PRKN: variants seen among roughly 807,000 people sequenced by gnomAD.
PRKN encodes parkin RBR E3 ubiquitin protein ligase, also known as E3 ubiquitin-protein ligase parkin.
Under a neutral mutation model 59.5 loss-of-function variants are expected in PRKN, and 56 were observed. The observed-to-expected ratio is 0.94, with a 90% CI of 0.76 to 1.18. PRKN has a LOEUF of 1.18. Among genes scored for constraint, PRKN ranks in the 50% most tolerant of loss-of-function variants. PRKN has a pLI of 0.00. For missense variants in PRKN, 657 were observed against 596.4 expected (o/e 1.10, Z -1.06); for synonymous variants, 250 against 222.1 (o/e 1.13, Z -1.12).
intron 1 of PRKN, among the ~76,000 whole-genome samples, chr6:162,499,453 A>G (rs138447697): frequency 9.9e-5 from 15 of 152,264 alleles, no homozygotes; most frequent in Admixed American, 5.2e-4. Context: ...AGGCCGTATG[A>G]TACTCTTATC....
At chr6:161,610,329 T>C (rs1001664415) in intron 7 of PRKN, among the ~76,000 whole-genome samples, 3 of 152,092 alleles carry the variant, frequency 2.0e-5, no homozygotes, top group African/African-American at 4.8e-5. Flanking sequence ...AGTTATCTTT[T>C]GTAAGGTCCT....
At chr6:162,071,141 C>A (rs563225053) in intron 4 of PRKN, among the ~76,000 whole-genome samples, 7 of 151,496 alleles carry the variant, frequency 4.6e-5, no homozygotes, top group African/African-American at 1.7e-4. Context: ...GGACGGTATT[C>A]GACATTTGCA....
chr6:162,203,210 G>T (rs1051498116), intron 3 of PRKN, among the ~76,000 whole-genome samples: 2 of 152,082 alleles, frequency 1.3e-5, no homozygotes, highest in Non-Finnish European at 2.9e-5. Context: ...GAAAGCTAAG[G>T]AACTTTTCCA....
chr6:162,060,543 C>T (rs1562489498), intron 4 of PRKN, among the ~76,000 whole-genome samples: 1 of 152,140 alleles, frequency 6.6e-6, no homozygotes, highest in Non-Finnish European at 1.5e-5. Context: ...TTCAAAAGTT[C>T]TAGAACTCAT....
At chr6:162,462,628 G>A (rs529493816) in intron 1 of PRKN, among the ~76,000 whole-genome samples, 51 of 152,166 alleles carry the variant, frequency 3.4e-4, no homozygotes, top group Admixed American at 1.9e-3. Context: ...ATCACAAATT[G>A]TTCTACAAGT....
At chr6:162,630,249 A>C (rs1392049393) in intron 1 of PRKN, among the ~76,000 whole-genome samples, 1 of 152,188 alleles carries the variant, frequency 6.6e-6, no homozygotes, top group Non-Finnish European at 1.5e-5. Flanking sequence ...TTAACTACCA[A>C]CTATAAATTC....
At chr6:161,553,195 GCAGGACATGTGACCTA>G (rs1780106590) in intron 8 of PRKN, among the ~76,000 whole-genome samples, 1 of 151,116 alleles carries the variant, frequency 6.6e-6, no homozygotes, top group African/African-American at 2.4e-5. Context: ...GTTGAAGAAA[GCAGGACATGTGACCTA>G]CAGAGTTTCC....
At chr6:162,339,123 C>A (rs1452752558) in intron 2 of PRKN, among the ~76,000 whole-genome samples, 6 of 136,916 alleles carry the variant, frequency 4.4e-5, no homozygotes, top group Admixed American at 7.3e-5. Flanking sequence ...AAGTGAGGAG[C>A]CCCTCCGCCC....
At chr6:162,589,018 A>C (rs1475120645) in intron 1 of PRKN, among the ~76,000 whole-genome samples, 1 of 151,924 alleles carries the variant, frequency 6.6e-6, no homozygotes, top group Non-Finnish European at 1.5e-5. Flanking sequence ...TTCCACTCCC[A>C]CCAGCTCTCC....
intron 4 of PRKN, among the ~76,000 whole-genome samples, chr6:162,075,295 C>T (rs987329863): frequency 2.0e-5 from 3 of 151,992 alleles, no homozygotes; most frequent in African/African-American, 7.2e-5. Flanking sequence ...CTCAACTATG[C>T]TTATTAAATA....
At chr6:161,865,269 T>C (rs780633936) in intron 6 of PRKN, among the ~76,000 whole-genome samples, 6 of 152,192 alleles carry the variant, frequency 3.9e-5, no homozygotes, top group Admixed American at 6.5e-5. Flanking sequence ...ATCCCGACTT[T>C]GTTGTTCCCT....
chr6:162,322,951 C>G (rs548364013), intron 2 of PRKN, among the ~76,000 whole-genome samples: 11 of 151,538 alleles, frequency 7.3e-5, no homozygotes, highest in Admixed American at 7.2e-4. Flanking sequence ...AATCATCATT[C>G]TCAGTAAACT....
chr6:162,666,226 T>C (rs1001057359), intron 1 of PRKN, among the ~76,000 whole-genome samples: 1 of 151,940 alleles, frequency 6.6e-6, no homozygotes, highest in Non-Finnish European at 1.5e-5. Context: ...TGAGATACAC[T>C]GTGGTTAGAA....
chr6:162,562,978 A>G (rs1779906279), intron 1 of PRKN, among the ~76,000 whole-genome samples: 1 of 152,072 alleles, frequency 6.6e-6, no homozygotes, highest in Admixed American at 6.5e-5. Context: ...TAGGTGGCTC[A>G]GAACAGAGAG....
In PRKN at chr6:162,065,618, C is replaced by T. The variant is rs577582682; in HGVS notation, c.535-11444G>A. Among the ~76,000 whole-genome samples, 249 of 151,684 alleles carry T rather than the reference C, an allele frequency of 1.6e-3. 1 individual carries two copies. Among genetic ancestry groups the T allele is most frequent in the African/African-American group, 5.7e-3 (236 of 41,332 alleles). ...TAAGTTCTAGGGTACACGTGCACAA[C>T]GTGCAGGTTTGTTACATATGCATAC... is the stretch of plus-strand genomic sequence containing the variant. On this transcript the variant is annotated intron_variant, in intron 4 of 11. Transcript: ENST00000366898.
At chr6:162,449,979 G>A (rs961583043) in intron 1 of PRKN, among the ~76,000 whole-genome samples, 7 of 152,170 alleles carry the variant, frequency 4.6e-5, no homozygotes, top group Non-Finnish European at 5.9e-5. Flanking sequence ...GGTGCAGTCC[G>A]TGCACATGGC....
At position 161,961,471 on chromosome 6, in the gene PRKN, G is replaced by A. The variant is rs563908469; in HGVS notation, c.734+11831C>T. On this transcript the variant is annotated intron_variant, in intron 6 of 11. Coordinates refer to ENST00000366898, the MANE Select transcript of PRKN (RefSeq NM_004562.3). ...AAATGATTCTATGTATTTCTTCAAA[G>A]TTCTGTCTTGGCCAAGTATTATAAA... is the stretch of plus-strand genomic sequence containing the variant. Among the ~76,000 whole-genome samples, 7 of 152,306 alleles carry A rather than the reference G, an allele frequency of 4.6e-5. No individual in the cohort carries two copies. The South Asian group carries it at 1.5e-3, about 32-fold the overall frequency.
At chr6:162,023,480 C>T (rs995713262) in intron 5 of PRKN, among the ~76,000 whole-genome samples, 3 of 152,078 alleles carry the variant, frequency 2.0e-5, no homozygotes, top group African/African-American at 4.8e-5. Context: ...GGGCTCTCCT[C>T]CGACCGCCCC....
intron 9 of PRKN, among the ~76,000 whole-genome samples, chr6:161,489,621 A>G (rs1392143402): frequency 6.7e-6 from 1 of 150,100 alleles, no homozygotes; most frequent in African/African-American, 2.5e-5. Flanking sequence ...TGATGTATGT[A>G]ATAATTTTTT....
Sources: allele counts gnomAD v4.1 joint callset (sites outside exome capture counted in the v4.1 genomes callset), GRCh38; gene constraint gnomAD v4.1.1; transcripts MANE v1.5; gene names NCBI Gene and HGNC (gene_info 2026-07-23, HGNC 2026-07-21).